RFTN2: variants seen among roughly 807,000 people sequenced by gnomAD.
The protein encoded by RFTN2 is raftlin-2.
A neutral mutation model predicts 52.7 loss-of-function variants in RFTN2; 34 were observed. The ratio of observed to expected loss-of-function variants is 0.64; its 90% CI spans 0.49 to 0.86. The LOEUF (loss-of-function observed/expected upper bound fraction) is 0.86. Among genes scored for constraint, RFTN2 ranks in the 40% least tolerant of loss-of-function variants. RFTN2 has a pLI of 0.00. For missense variants in RFTN2, 536 were observed against 600.1 expected, an observed-to-expected ratio of 0.89 and a Z score of 1.12; for synonymous variants, 203 against 217.7, an observed-to-expected ratio of 0.93 and a Z score of 0.59.
chr2:197,610,759 T>C (rs2088044021), intron 7 of RFTN2, among the ~76,000 whole-genome samples: 1 of 152,244 alleles, frequency 6.6e-6, no homozygotes, highest in South Asian at 2.1e-4. Flanking sequence ...TTGTCACAAA[T>C]AGCTCTTATT....
At chr2:197,602,280 A>G (rs898341673) in intron 7 of RFTN2, among the ~76,000 whole-genome samples, 1 of 151,968 alleles carries the variant, frequency 6.6e-6, no homozygotes, top group African/African-American at 2.4e-5. Context: ...TGTGTTGGCC[A>G]GGCTGGTCTC....
At chr2:197,635,481 T>C (rs1376893993) in intron 3 of RFTN2, among the ~76,000 whole-genome samples, 1 of 152,180 alleles carries the variant, frequency 6.6e-6, no homozygotes, top group African/African-American at 2.4e-5. Context: ...ATTTCTCTGA[T>C]GGCCAGTGAT....
rs1202361298 is a variant in RFTN2, at chr2:197,638,678, C to G, written c.439-4681G>C. ...TCCTGAATACAGCACACTGATGGGT[C>G]TTGACTCTTTATCCAATTTGCCAGT... On this transcript the variant is annotated intron_variant, in intron 3 of 8. Coordinates refer to ENST00000295049, the MANE Select transcript of RFTN2 (RefSeq NM_144629.3). 3.8e-4 allele frequency among the ~76,000 whole-genome samples: 57 copies of G among 148,980 alleles called. 1 individual carries two copies. The highest frequency in any genetic ancestry group is 1.3e-3 in the African/African-American group (52 of 40,154).
chr2:197,596,138 A>G, intron 7 of RFTN2, 69 bp from the exon 8 acceptor site: 1 of 848,210 alleles, frequency 1.2e-6, no homozygotes. Context: ...ATTGGCTAGA[A>G]CATTCCATAT....
chr2:197,626,058 G>A (rs1011310003), intron 5 of RFTN2, among the ~76,000 whole-genome samples: 3 of 152,064 alleles, frequency 2.0e-5, no homozygotes, highest in Non-Finnish European at 4.4e-5. Context: ...CAAAGTGCTG[G>A]GATTACAAGC....
intron 5 of RFTN2, among the ~76,000 whole-genome samples, chr2:197,628,207 G>T (rs757812949): frequency 1.5e-4 from 23 of 152,160 alleles, no homozygotes; most frequent in Non-Finnish European, 2.6e-4. Context: ...GTACTCCCAG[G>T]AAAGTCCCAA....
chr2:197,643,625 A>G (rs1434968646), intron 3 of RFTN2, among the ~76,000 whole-genome samples: 1 of 151,930 alleles, frequency 6.6e-6, no homozygotes, highest in African/African-American at 2.4e-5. Context: ...CTTTCCTGTA[A>G]TGTATATTTT....
intron 3 of RFTN2, among the ~76,000 whole-genome samples, chr2:197,640,093 C>A (rs201876087): frequency 1.3e-5 from 2 of 152,078 alleles, no homozygotes; most frequent in Admixed American, 6.6e-5. Flanking sequence ...GGAGTCTGCC[C>A]GTTCTCAGAT....
chr2:197,578,435 C>G (rs547248457), intron 8 of RFTN2, among the ~76,000 whole-genome samples: 11 of 152,226 alleles, frequency 7.2e-5, no homozygotes, highest in Admixed American at 7.2e-4. Context: ...CCCAAGCCTG[C>G]ATGTATACAT....
intron 6 of RFTN2, among the ~76,000 whole-genome samples, chr2:197,617,117 A>T (rs2088157768): frequency 6.6e-6 from 1 of 152,176 alleles, no homozygotes; most frequent in South Asian, 2.1e-4. Flanking sequence ...TGCCTTTGAA[A>T]GTCATTCATA....
Position 197,644,287 on chromosome 2 carries a change from A to G in RFTN2, c.324-15T>C. 1 of 1,453,644 alleles carries G rather than the reference A, an allele frequency of 6.9e-7. No homozygotes were observed. The highest frequency in any genetic ancestry group is 9.7e-7 in the Non-Finnish European group (1 of 1,034,274). 90.0% of individuals were successfully genotyped at this position (1,453,644 alleles called of 1,614,324 possible). A position where few individuals can be genotyped will look rare whatever the true frequency, so the allele number is the denominator to read the frequency against. ...AATTCTTTGGGCTGTAACAGAGGGA[A>G]TATGTTTATGGTTGGAGGCCAATTG... On this transcript the variant is annotated splice_polypyrimidine_tract_variant and intron_variant, in intron 2 of 8. Transcript: ENST00000295049.
chr2:197,614,347 G>A (rs1464564235), intron 7 of RFTN2, among the ~76,000 whole-genome samples: 2 of 152,144 alleles, frequency 1.3e-5, no homozygotes, highest in African/African-American at 4.8e-5. Context: ...GGAGATGGTT[G>A]GAGAGGAGAT....
chr2:197,602,805 A>C (rs1348579780), intron 7 of RFTN2, among the ~76,000 whole-genome samples: 1 of 152,348 alleles, frequency 6.6e-6, no homozygotes, highest in East Asian at 1.9e-4. Context: ...TCACAATAGC[A>C]AAGACTTGGA....
chr2:197,634,678 A>G (rs2088530158), intron 3 of RFTN2, among the ~76,000 whole-genome samples: 1 of 151,090 alleles, frequency 6.6e-6, no homozygotes. Context: ...GGAACTTAAG[A>G]ATGCTTATTT....
intron 8 of RFTN2, among the ~76,000 whole-genome samples, chr2:197,577,316 A>G (rs1243770130): frequency 2.6e-5 from 4 of 152,266 alleles, no homozygotes; most frequent in African/African-American, 7.2e-5. Flanking sequence ...CAAAGTCTAC[A>G]GTAGGTCCTT....
At chr2:197,657,885 G>C (rs1355959385) in intron 1 of RFTN2, among the ~76,000 whole-genome samples, 6 of 152,194 alleles carry the variant, frequency 3.9e-5, no homozygotes, top group African/African-American at 7.2e-5. Flanking sequence ...TAATTCCCCT[G>C]GTTCTTAATA....
intron 1 of RFTN2, among the ~76,000 whole-genome samples, chr2:197,658,095 C>CT (rs1559366506): frequency 6.6e-6 from 1 of 151,728 alleles, no homozygotes; most frequent in Non-Finnish European, 1.5e-5. Context: ...ATTTGATGTT[C>CT]TTATGCTGGG....
At chr2:197,587,678 G>C (rs1025039733) in intron 8 of RFTN2, among the ~76,000 whole-genome samples, 1 of 152,048 alleles carries the variant, frequency 6.6e-6, no homozygotes, top group Non-Finnish European at 1.5e-5. Context: ...AAGCTTTATT[G>C]CTCACACAAA....
At chr2:197,622,686 A>C (rs2088288004) in intron 5 of RFTN2, among the ~76,000 whole-genome samples, 1 of 152,196 alleles carries the variant, frequency 6.6e-6, no homozygotes, top group African/African-American at 2.4e-5. Flanking sequence ...TAGAGAGGAG[A>C]AGTCAATGCC....
Sources: allele counts gnomAD v4.1 joint callset (sites outside exome capture counted in the v4.1 genomes callset), GRCh38; gene constraint gnomAD v4.1.1; transcripts MANE v1.5; gene names NCBI Gene and HGNC (gene_info 2026-07-23, HGNC 2026-07-21).